The following SATB2 variants were observed in gnomAD, a reference collection of about 807,000 sequenced individuals.
SATB2 encodes the protein DNA-binding protein SATB2.
A neutral mutation model predicts 73.4 loss-of-function variants in SATB2; 1 was observed. That is an observed-to-expected ratio of 0.01 (90% CI 0.00 to 0.06). The LOEUF is 0.06. Among genes scored for constraint, SATB2 ranks in the 10% least tolerant of loss-of-function variants. The pLI is 1.00. For synonymous variants in SATB2, 397 were observed against 367.0 expected (o/e 1.08, Z -0.93); for missense variants, 459 against 945.8 (o/e 0.49, Z 6.75).
Position 199,426,692 on chromosome 2 carries a change from CAAAAAAAA to C in SATB2, c.346+6638_346+6645del, listed in dbSNP as rs200293007. 1.6e-3 allele frequency among the ~76,000 whole-genome samples: 203 copies of C among 128,246 alleles called. 3 individuals are homozygous for C. In the East Asian group the frequency reaches 0.041, roughly 26 times the overall value. 84.1% of individuals were successfully genotyped at this position (128,246 alleles called of 152,430 possible). A position where few individuals can be genotyped will look rare whatever the true frequency, so the allele number is the denominator to read the frequency against. On this transcript the variant is annotated intron_variant, in intron 3 of 10. Transcript: ENST00000417098. Reference sequence around the variant, plus strand: ...CATATATCTTTTAACCATTCTCTCTCAAAAAAAAAAAAAAAAAAAGAAAAGAAAAGAAA... The same window carrying C: ...CATATATCTTTTAACCATTCTCTCTCAAAAAAAAAAAGAAAAGAAAAGAAA...
intron 6 of SATB2, among the ~76,000 whole-genome samples, chr2:199,356,205 C>G (rs1221373128): frequency 1.5e-5 from 2 of 137,818 alleles, no homozygotes; most frequent in African/African-American, 2.8e-5. Context: ...CCTAGAAACC[C>G]TGGGTAGAAG....
chr2:199,445,979 T>C (rs533227469), intron 2 of SATB2, among the ~76,000 whole-genome samples: 1 of 152,312 alleles, frequency 6.6e-6, no homozygotes, highest in South Asian at 2.1e-4. Context: ...CTATAATAAC[T>C]CAACTTTAAC....
intron 3 of SATB2, among the ~76,000 whole-genome samples, chr2:199,431,685 G>A (rs1691505434): frequency 6.6e-6 from 1 of 152,172 alleles, no homozygotes; most frequent in Admixed American, 6.5e-5. Context: ...GGAATAGTGT[G>A]GCTCCCTAGT....
intron 3 of SATB2, among the ~76,000 whole-genome samples, chr2:199,382,530 A>T (rs1416105152): frequency 6.6e-6 from 1 of 152,226 alleles, no homozygotes; most frequent in Non-Finnish European, 1.5e-5. Flanking sequence ...CAATGAAAAA[A>T]TAATAAAAAT....
intron 3 of SATB2, among the ~76,000 whole-genome samples, chr2:199,425,093 A>C (rs889942910): frequency 4.3e-4 from 66 of 152,376 alleles, no homozygotes; most frequent in African/African-American, 1.5e-3. Context: ...GAGCAGAACA[A>C]AAAATTAAAC....
chr2:199,370,980 T>C (rs2105852973), intron 5 of SATB2, among the ~76,000 whole-genome samples: 1 of 147,886 alleles, frequency 6.8e-6, no homozygotes, highest in South Asian at 2.1e-4. Context: ...AGCAAACAAA[T>C]TTCCTAGATG....
intron 10 of SATB2, among the ~76,000 whole-genome samples, chr2:199,287,846 G>A (rs988456561): frequency 6.6e-6 from 1 of 152,002 alleles, no homozygotes; most frequent in African/African-American, 2.4e-5. Context: ...TTATTCTTCA[G>A]AGGAAGAAAC....
At chr2:199,273,888 C>G (rs1328999009) in intron 10 of SATB2, among the ~76,000 whole-genome samples, 1 of 152,142 alleles carries the variant, frequency 6.6e-6, no homozygotes, top group East Asian at 1.9e-4. Flanking sequence ...GTGAGAAGGA[C>G]TTTGTGGAGG....
chr2:199,292,674 A>C (rs1187779251), intron 10 of SATB2, among the ~76,000 whole-genome samples: 1 of 152,228 alleles, frequency 6.6e-6, no homozygotes, highest in East Asian at 1.9e-4. Context: ...TGTAATAAAC[A>C]CTTTATAAAG....
Position 199,385,982 on chromosome 2 carries a change from T to C in SATB2, c.347-4162A>G, listed in dbSNP as rs190493192. Reference sequence around the variant, plus strand: ...ATGAGACTTTACATGAAAAGGAGACTCTAGCACTGGGACTGCTACATAAGT... The same window carrying C: ...ATGAGACTTTACATGAAAAGGAGACCCTAGCACTGGGACTGCTACATAAGT... On this transcript the variant is annotated intron_variant, in intron 3 of 10. Transcript: ENST00000417098. 6.6e-5 allele frequency among the ~76,000 whole-genome samples: 10 copies of C among 152,276 alleles called. No individual in the cohort carries two copies. The East Asian group carries it at 1.7e-3, about 27-fold the overall frequency.
At position 199,340,752 on chromosome 2, in the gene SATB2, C is replaced by T. The variant is rs1421754868; in HGVS notation, c.1173+7949G>A. On this transcript the variant is annotated intron_variant, in intron 7 of 10. Coordinates refer to ENST00000417098, the MANE Select transcript of SATB2 (RefSeq NM_001172509.2). ...GTATAGAGAAGATATGAGGATCGCA[C>T]CTAATTTCCCTTTTTTGGCATTCTA... is the stretch of plus-strand genomic sequence containing the variant. Among the ~76,000 whole-genome samples, 4 of 152,140 alleles carry T rather than the reference C, an allele frequency of 2.6e-5. No homozygotes were observed. In the East Asian group the frequency reaches 7.7e-4, roughly 29 times the overall value.
chr2:199,339,594 TG>T (rs1264919719), intron 7 of SATB2, among the ~76,000 whole-genome samples: 1 of 152,194 alleles, frequency 6.6e-6, no homozygotes, highest in East Asian at 1.9e-4. Flanking sequence ...ACCAGCTCAC[TG>T]GACCATGGAG....
At chr2:199,392,010 C>A (rs1222257149) in intron 3 of SATB2, among the ~76,000 whole-genome samples, 2 of 152,080 alleles carry the variant, frequency 1.3e-5, no homozygotes, top group Admixed American at 6.6e-5. Context: ...TTACTAAGAA[C>A]TATGGTGTTT....
intron 7 of SATB2, among the ~76,000 whole-genome samples, chr2:199,340,470 A>T (rs1266743383): frequency 6.6e-6 from 1 of 152,192 alleles, no homozygotes; most frequent in Non-Finnish European, 1.5e-5. Flanking sequence ...AAAGAATAGC[A>T]CATTTTGCAA....
intron 5 of SATB2, among the ~76,000 whole-genome samples, chr2:199,369,310 G>C: frequency 6.6e-6 from 1 of 152,126 alleles, no homozygotes; most frequent in Non-Finnish European, 1.5e-5. Flanking sequence ...AACTTTCTGA[G>C]TGCTTAGGTG....
chr2:199,417,947 G>A (rs1446477594), intron 3 of SATB2, among the ~76,000 whole-genome samples: 1 of 152,130 alleles, frequency 6.6e-6, no homozygotes, highest in African/African-American at 2.4e-5. Flanking sequence ...ATTTAAGATT[G>A]GTACTTCACA....
chr2:199,280,175 C>G (rs1470740189), intron 10 of SATB2, among the ~76,000 whole-genome samples: 2 of 152,214 alleles, frequency 1.3e-5, no homozygotes, highest in African/African-American at 2.4e-5. Context: ...ATCTTTACTG[C>G]AATCTCTGAA....
At chr2:199,347,608 G>A (rs754279000) in intron 7 of SATB2, 4 of 151,950 alleles carry the variant, frequency 2.6e-5, no homozygotes, top group Non-Finnish European at 5.9e-5. Context: ...TTGCATTTAC[G>A]AGGGTGCTGA....
upstream of SATB2, among the ~76,000 whole-genome samples, chr2:199,459,470 A>G (rs984479755): frequency 6.6e-6 from 1 of 152,294 alleles, no homozygotes; most frequent in South Asian, 2.1e-4. The surrounding 1 kb of genome is among the most constrained non-coding windows in gnomAD (Gnocchi z 4.2). Context: ...GCACGTGGGC[A>G]GGGGCCGCAG....
Sources: allele counts gnomAD v4.1 joint callset (sites outside exome capture counted in the v4.1 genomes callset), GRCh38; gene constraint gnomAD v4.1.1; non-coding constraint Gnocchi (gnomAD v3.1); transcripts MANE v1.5; gene names NCBI Gene and HGNC (gene_info 2026-07-23, HGNC 2026-07-21).